The following CPNE1 variants were observed in gnomAD, a reference collection of about 807,000 sequenced individuals.
The protein encoded by CPNE1 is copine 1, also known as copine-1.
CPNE1 carries 58 observed loss-of-function variants against 63.2 expected under a neutral mutation model. The ratio of observed to expected loss-of-function variants is 0.92; its 90% confidence interval spans 0.74 to 1.14. The LOEUF (loss-of-function observed/expected upper bound fraction) is 1.14, where lower values mean the gene tolerates loss of function less well. CPNE1 is among the 50% of genes most tolerant of loss of function. The pLI, the probability that CPNE1 is intolerant of heterozygous loss-of-function variation, is 0.00. For missense variants in CPNE1, 672 were observed against 661.7 expected (o/e 1.02, Z -0.17); for synonymous variants, 237 against 249.0 (o/e 0.95, Z 0.45).
At chr20:35,652,812 TGGGCCAGGGCCG>T (rs1555880137) in intron 1 of CPNE1, 18 of 1,587,692 alleles carry the variant, frequency 1.1e-5, no homozygotes, top group Admixed American at 1.0e-4. Flanking sequence ...CAATATGGAT[TGGGCCAGGGCCG>T]GGGCCGGGGC....
At chr20:35,653,913 T>C in intron 1 of CPNE1, 4 of 1,614,210 alleles carry the variant, frequency 2.5e-6, no homozygotes, top group South Asian at 2.2e-5. Context: ...CTTCGCCAGT[T>C]GCTTTCCCAT....
At position 35,626,731 on chromosome 20, in the gene CPNE1, GCAC is replaced by G. The variant is rs1280404753; in HGVS notation, c.1306_1308del (p.Val436del). On this transcript the variant is annotated inframe_deletion, in exon 15 of 16. Transcript: ENST00000397443. ...ACTGACATGGGCAGGTTCGAGGCAC[GCAC>G]CACAGCCTCACGTGTGGCTTCCACA... 1 of 1,613,936 alleles carries G rather than the reference GCAC, an allele frequency of 6.2e-7. No individual in the cohort carries two copies. The highest frequency in any genetic ancestry group is 1.7e-5 in the Admixed American group (1 of 59,992).
rs182627044 is a variant in CPNE1, at chr20:35,661,216, G to C, written c.-1+3544C>G. Reference sequence around the variant, plus strand: ...CCTCTTCAAAAGGGAAAGGTAAATGGAAATAGAACTGAAATACTTCTGTGT... The same window carrying C: ...CCTCTTCAAAAGGGAAAGGTAAATGCAAATAGAACTGAAATACTTCTGTGT... On this transcript the variant is annotated intron_variant, in intron 1 of 15. Coordinates refer to ENST00000397443, the MANE Select transcript of CPNE1 (RefSeq NM_152925.3). Among the ~76,000 whole-genome samples the C allele has an allele frequency of 1.8e-3, 271 of 152,272 alleles. 1 individual carries two copies. Among genetic ancestry groups the C allele is most frequent in the African/African-American group, 6.4e-3 (267 of 41,560 alleles).
In CPNE1 at chr20:35,626,769, G is replaced by C. The variant is rs1226844078; in HGVS notation, c.1271C>G (p.Ala424Gly). Residue 424 changes from alanine to glycine, a missense_variant, in exon 15 of 16, where the codon GCT becomes GGT. By Grantham distance (60) the Ala-to-Gly change is moderately conservative. Transcript: ENST00000397443. Reference sequence around the variant, plus strand: ...ACGTGTGGCTTCCACATCCGTCACAGCACCATCAGTCAGCAGCAACAGCAT... The same window carrying C: ...ACGTGTGGCTTCCACATCCGTCACACCACCATCAGTCAGCAGCAACAGCAT... ...YFMLLLLTDG[A>G]VTDVEATREA... 6.2e-7 allele frequency: 1 copy of C among 1,614,116 alleles called. No individual in the cohort carries two copies. The highest frequency in any genetic ancestry group is 1.1e-5 in the South Asian group (1 of 91,082).
In CPNE1 at chr20:35,652,351, T is replaced by A; in HGVS notation, c.-1+12409A>T. 3 of 696,682 alleles carry A rather than the reference T, an allele frequency of 4.3e-6. No homozygotes were observed. The South Asian group carries it at 6.0e-5, about 14-fold the overall frequency. The allele number at this position is 696,682 out of a possible 1,614,324, so 43.2% of individuals were successfully genotyped here. ...TTACTGTAACATACAGCAATGTTTA[T>A]CCTGGTGAGTGAGTCTTCTGTAAAC... On this transcript the variant is annotated intron_variant, in intron 1 of 15. Coordinates refer to ENST00000397443, the MANE Select transcript of CPNE1 (RefSeq NM_152925.3).
chr20:35,639,618 G>A (rs1007534505), intron 1 of CPNE1, among the ~76,000 whole-genome samples: 5 of 152,350 alleles, frequency 3.3e-5, no homozygotes, highest in Admixed American at 1.3e-4. Context: ...TTACAGGCAT[G>A]AGCCACCGCA....
At chr20:35,639,266 T>C (rs1435410562) in intron 1 of CPNE1, among the ~76,000 whole-genome samples, 2 of 152,172 alleles carry the variant, frequency 1.3e-5, no homozygotes, top group East Asian at 3.8e-4. Context: ...GGATCTGAAA[T>C]GGCGGATATA....
intron 13 of CPNE1, 191 bp from the exon 14 acceptor site, chr20:35,627,604 G>T (rs1159376494): frequency 1.9e-6 from 1 of 520,526 alleles, no homozygotes; most frequent in Non-Finnish European, 3.3e-6. Flanking sequence ...GAGGGGACTT[G>T]CCCTAAATCA....
At chr20:35,647,103 G>A (rs2033152143) in intron 1 of CPNE1, among the ~76,000 whole-genome samples, 2 of 151,992 alleles carry the variant, frequency 1.3e-5, no homozygotes, top group Admixed American at 1.3e-4. Flanking sequence ...CTGAGGTCAG[G>A]AGTTCGAGAC....
At chr20:35,639,143 T>C (rs1446639966) in intron 1 of CPNE1, among the ~76,000 whole-genome samples, 3 of 151,442 alleles carry the variant, frequency 2.0e-5, no homozygotes, top group Non-Finnish European at 2.9e-5. Flanking sequence ...GCACTAAAGT[T>C]AAGGCATGTT....
At chr20:35,637,908 T>C (rs945606875) in intron 1 of CPNE1, among the ~76,000 whole-genome samples, 3 of 152,156 alleles carry the variant, frequency 2.0e-5, no homozygotes, top group African/African-American at 7.2e-5. Context: ...CTCAGGGCTT[T>C]TGCACTCTGT....
chr20:35,654,446 T>C (rs985164545), intron 1 of CPNE1: 60 of 1,614,098 alleles, frequency 3.7e-5, no homozygotes, highest in Non-Finnish European at 4.7e-5. Context: ...GGCTTCACAC[T>C]GCTCTGAGAG....
At chr20:35,653,226 A>G in intron 1 of CPNE1, 1 of 1,613,566 alleles carries the variant, frequency 6.2e-7, no homozygotes, top group Non-Finnish European at 8.5e-7. Context: ...CACCTCCTGC[A>G]CTAGGTATTC....
chr20:35,627,336 T>C lies in CPNE1; in HGVS notation c.1180A>G (p.Ile394Val). Residue 394 changes from isoleucine (I) to valine (V), a missense_variant, in exon 14 of 16, where the codon ATC (isoleucine) becomes GTC (valine). By Grantham distance (29) the Ile-to-Val change is conservative. Coordinates refer to ENST00000397443, the MANE Select transcript of CPNE1 (RefSeq NM_152925.3). ...GCAAACCTGGCCACATGGTTGATGA[T>C]GGGTGCAAAGTTGGTAGGGCCATAG... ...RLYGPTNFAP[I>V]INHVARFAAQ... is the part of the protein sequence containing the mutation. The C allele has an allele frequency of 6.2e-7, 1 of 1,613,876 alleles. No individual in the cohort carries two copies. The highest frequency in any genetic ancestry group is 8.5e-7 in the Non-Finnish European group (1 of 1,179,996).
intron 1 of CPNE1, chr20:35,652,551 T>C (rs1356125408): frequency 1.2e-6 from 2 of 1,611,414 alleles, no homozygotes; most frequent in Admixed American, 1.7e-5. Flanking sequence ...TTACTTTTCT[T>C]GAACCTATAG....
At chr20:35,662,399 T>C (rs2034281428) in intron 1 of CPNE1, among the ~76,000 whole-genome samples, 1 of 152,248 alleles carries the variant, frequency 6.6e-6, no homozygotes, top group Non-Finnish European at 1.5e-5. Context: ...ATGGGTGTGG[T>C]AGTAAAATCT....
At chr20:35,633,936 G>GGGACCGAGGTTGACTCTGTCA (rs1171308380) in intron 1 of CPNE1, among the ~76,000 whole-genome samples, 11 of 133,938 alleles carry the variant, frequency 8.2e-5, no homozygotes, top group East Asian at 2.3e-4. Flanking sequence ...TCCAGCCTGG[G>GGGACCGAGGTTGACTCTGTCA]CAACAAGAGC....
At position 35,626,211 on chromosome 20, in the gene CPNE1, T is replaced by C. The variant is rs778265164; in HGVS notation, c.*30A>G. The C allele has an allele frequency of 1.2e-6, 2 of 1,613,332 alleles. No homozygotes were observed. Among genetic ancestry groups the C allele is most frequent in the South Asian group, 1.1e-5 (1 of 91,048 alleles). On this transcript the variant is annotated 3_prime_UTR_variant, in exon 16 of 16. Coordinates refer to ENST00000397443, the MANE Select transcript of CPNE1 (RefSeq NM_152925.3). ...CCAGAGGGACCTCTGGGACACAGGA[T>C]TGAGGACTTGCCACAGCCTCCAAGG...
intron 13 of CPNE1, among the ~76,000 whole-genome samples, chr20:35,629,811 A>G (rs1469656279): frequency 6.6e-6 from 1 of 152,182 alleles, no homozygotes; most frequent in East Asian, 1.9e-4. Flanking sequence ...GGCGCCTGCC[A>G]TCATGCTCGG....
Sources: gnomAD v4.1 joint callset for allele counts (sites outside exome capture counted in the v4.1 genomes callset) on GRCh38, gnomAD v4.1.1 for gene constraint, MANE v1.5 for transcripts, NCBI Gene and HGNC (gene_info 2026-07-23, HGNC 2026-07-21) for gene names.